The following ZNF514 variants were observed in gnomAD, a reference collection of about 807,000 sequenced individuals.
ZNF514 encodes the protein zinc finger protein 514.
In ZNF514, 12 loss-of-function variants were observed where a neutral mutation model predicts 9.7. The ratio of observed to expected loss-of-function variants is 1.24; its 90% CI spans 0.79 to 2.01. The LOEUF (loss-of-function observed/expected upper bound fraction) is 2.01. Among genes scored for constraint, ZNF514 ranks in the 30% most tolerant of loss-of-function variants. The pLI is 0.00. For synonymous variants in ZNF514, 158 were observed against 163.7 expected (o/e 0.97, Z 0.27); for missense variants, 467 against 465.5 (o/e 1.00, Z -0.03).
chr2:95,158,200 G>A (rs375254905), intron 1 of ZNF514, among the ~76,000 whole-genome samples: 3 of 152,228 alleles, frequency 2.0e-5, no homozygotes, highest in East Asian at 1.9e-4. Flanking sequence ...GGATGTGTGG[G>A]GCCCCAGAGT....
At chr2:95,135,800 G>A in the ZNF514 span, among the ~76,000 whole-genome samples, 1 of 151,976 alleles carries the variant, frequency 6.6e-6, no homozygotes, top group East Asian at 1.9e-4. Flanking sequence ...GGCCAGGCAC[G>A]GTGGCTCATG....
At chr2:95,136,342 G>C in the ZNF514 span, among the ~76,000 whole-genome samples, 1 of 151,830 alleles carries the variant, frequency 6.6e-6, no homozygotes, top group East Asian at 1.9e-4. Context: ...CTGCCTCCCA[G>C]GTTCATGTGA....
chr2:95,157,535 T>C, intron 1 of ZNF514, 96 bp from the exon 2 acceptor site: 1 of 597,328 alleles, frequency 1.7e-6, no homozygotes, highest in Non-Finnish European at 2.7e-6. Context: ...GCTCTGAATG[T>C]CACCTCCGTT....
the ZNF514 span, among the ~76,000 whole-genome samples, chr2:95,127,668 A>C: frequency 1.3e-5 from 2 of 152,074 alleles, no homozygotes; most frequent in Non-Finnish European, 2.9e-5. Context: ...CCCAGGCTGT[A>C]GTGCAGTGGC....
At position 95,145,209 on chromosome 2, in the gene ZNF514, A is replaced by C. The variant is rs1001680756; in HGVS notation, c.*4073T>G. Among the ~76,000 whole-genome samples, 1 of 152,194 alleles carries C rather than the reference A, an allele frequency of 6.6e-6. No individual in the cohort carries two copies. Among genetic ancestry groups the C allele is most frequent in the African/African-American group, 2.4e-5 (1 of 41,448 alleles). On this transcript the variant is annotated 3_prime_UTR_variant, in exon 5 of 5. Coordinates refer to ENST00000295208, the MANE Select transcript of ZNF514 (RefSeq NM_032788.3). The stretch of plus-strand genomic sequence containing the variant: ...GAATCGACCCTTCCACTTGGCCAAG[A>C]GCATTCTAAAGTAAACCTGAAACAC...
chr2:95,149,928 C>A lies in ZNF514; in HGVS notation c.557G>T (p.Arg186Met), dbSNP rs754747968. 1 of 1,614,162 alleles carries A rather than the reference C, an allele frequency of 6.2e-7. No individual in the cohort carries two copies. ...EGSYKCDTEF[R>M]QTLGGNNSQR... ...AGAGTTGTTTCCCCCTAAAGTCTGC[C>A]TGAATTCTGTATCACATTTATAAGA... is the stretch of plus-strand genomic sequence containing the variant. The change falls in exon 5 of 5, where the codon AGG (arginine) becomes ATG (methionine). Residue 186 changes from arginine (R) to methionine (M), a missense_variant. Arg to Met is a moderately conservative substitution (Grantham distance 91, BLOSUM62 -1). Coordinates refer to ENST00000295208, the MANE Select transcript of ZNF514 (RefSeq NM_032788.3).
At chr2:95,143,108 A>C (rs1487555620), downstream of ZNF514, among the ~76,000 whole-genome samples, 10 of 152,240 alleles carry the variant, frequency 6.6e-5, no homozygotes. Flanking sequence ...TAGAACAAAA[A>C]GATCAAGAAG....
chr2:95,157,644 A>G (rs1573383273), intron 1 of ZNF514, among the ~76,000 whole-genome samples: 1 of 152,196 alleles, frequency 6.6e-6, no homozygotes, highest in Non-Finnish European at 1.5e-5. Flanking sequence ...TGAGGCTCCC[A>G]CCTGTCCACA....
intron 2 of ZNF514, among the ~76,000 whole-genome samples, chr2:95,156,522 T>G (rs144135793): frequency 1.4e-3 from 208 of 152,306 alleles, no homozygotes; most frequent in African/African-American, 4.7e-3. Flanking sequence ...GTGCCTTGAC[T>G]TCTTCTGTTA....
the ZNF514 span, among the ~76,000 whole-genome samples, chr2:95,134,085 T>C: frequency 2.6e-5 from 4 of 152,096 alleles, no homozygotes; most frequent in African/African-American, 7.2e-5. Context: ...ATGGATATCT[T>C]ATACCAAGGA....
chr2:95,134,883 T>G, the ZNF514 span, among the ~76,000 whole-genome samples: 1 of 152,350 alleles, frequency 6.6e-6, no homozygotes, highest in Admixed American at 6.5e-5. Context: ...GCACTCTTGT[T>G]GAAAATTAGT....
intron 4 of ZNF514, 121 bp downstream of exon 4, chr2:95,152,553 T>G (rs1311665471): frequency 1.3e-5 from 10 of 755,234 alleles, no homozygotes; most frequent in Non-Finnish European, 2.3e-5. Flanking sequence ...CATACCAGAG[T>G]TGAGGGCTCC....
At chr2:95,144,062 A>AGTCTCACTAGCTGGTCAG (rs1479443012), downstream of ZNF514, among the ~76,000 whole-genome samples, 3 of 152,202 alleles carry the variant, frequency 2.0e-5, no homozygotes, top group Non-Finnish European at 2.9e-5. Context: ...AATAAATGCA[A>AGTCTCACTAGCTGGTCAG]GTCTCACTAG....
the ZNF514 span, among the ~76,000 whole-genome samples, chr2:95,136,403 C>T: frequency 6.6e-6 from 1 of 151,896 alleles, no homozygotes; most frequent in East Asian, 1.9e-4. Flanking sequence ...ACACACCACC[C>T]CACCTGGCTA....
the ZNF514 span, among the ~76,000 whole-genome samples, chr2:95,130,554 G>A: frequency 1.3e-5 from 2 of 152,202 alleles, no homozygotes; most frequent in Non-Finnish European, 2.9e-5. Flanking sequence ...CCGGTTCAGA[G>A]ACCTACCCCT....
chr2:95,139,962 T>G, the ZNF514 span, among the ~76,000 whole-genome samples: 1 of 151,828 alleles, frequency 6.6e-6, no homozygotes, highest in Non-Finnish European at 1.5e-5. Flanking sequence ...TAAAAAAGGA[T>G]GAGTTCATGT....
At chr2:95,158,714 T>A in intron 1 of ZNF514, 1 of 889,756 alleles carries the variant, frequency 1.1e-6, no homozygotes, top group Non-Finnish European at 1.5e-6. Context: ...CCTCTGGCCA[T>A]TGGGACAATT....
intron 1 of ZNF514, chr2:95,158,860 C>A (rs1673757802): frequency 1.6e-6 from 2 of 1,289,388 alleles, no homozygotes; most frequent in South Asian, 1.2e-5. Flanking sequence ...ACAGCCTCAC[C>A]CTTCAGTGGG....
the ZNF514 span, among the ~76,000 whole-genome samples, chr2:95,129,238 C>A: frequency 6.6e-6 from 1 of 152,188 alleles, no homozygotes; most frequent in Non-Finnish European, 1.5e-5. Context: ...GCTTTTTAAT[C>A]TCTGGAAATT....
Sources: gnomAD v4.1 joint callset for allele counts (sites outside exome capture counted in the v4.1 genomes callset) on GRCh38, gnomAD v4.1.1 for gene constraint, MANE v1.5 for transcripts, NCBI Gene and HGNC (gene_info 2026-07-23, HGNC 2026-07-21) for gene names.